Variants in MALRD1 observed in about 807,000 individuals in gnomAD.
MALRD1 encodes the protein MAM and LDL receptor class A domain containing 1.
In MALRD1, 247 loss-of-function variants were observed where a neutral mutation model predicts 242.1. The ratio of observed to expected loss-of-function variants is 1.02; its 90% CI spans 0.92 to 1.13. MALRD1 has a LOEUF of 1.13. Among genes scored for constraint, MALRD1 ranks in the 50% most tolerant of loss-of-function variants. The pLI is 0.00. For synonymous variants in MALRD1, 995 were observed against 866.6 expected (o/e 1.15, Z -2.60); for missense variants, 2,989 against 2,533.1 (o/e 1.18, Z -3.86).
chr10:19,721,777 C>G (rs1834767471), intron 38 of MALRD1: 1 of 152,204 alleles, frequency 6.6e-6, no homozygotes, highest in Admixed American at 6.5e-5. Context: ...AAGGCCATGC[C>G]TAATCTACTG....
intron 36 of MALRD1, among the ~76,000 whole-genome samples, chr10:19,620,384 G>A (rs1379361269): frequency 6.6e-6 from 1 of 151,950 alleles, no homozygotes; most frequent in Non-Finnish European, 1.5e-5. Flanking sequence ...TATATTTGAT[G>A]TTTAGCTCCC....
chr10:19,434,717 T>G (rs1453748792), intron 28 of MALRD1, among the ~76,000 whole-genome samples: 1 of 152,022 alleles, frequency 6.6e-6, no homozygotes, highest in Non-Finnish European at 1.5e-5. Context: ...CTTGAAATAT[T>G]TTTATGTTCT....
intron 18 of MALRD1, among the ~76,000 whole-genome samples, chr10:19,223,503 C>T (rs1837650252): frequency 6.6e-6 from 1 of 151,892 alleles, no homozygotes; most frequent in Non-Finnish European, 1.5e-5. Context: ...TCTATTTTTA[C>T]CATTTTCAAT....
chr10:19,389,342 G>T (rs891757020), intron 27 of MALRD1, 110 bp from the exon 28 acceptor site: 1 of 1,169,828 alleles, frequency 8.5e-7, no homozygotes, highest in Non-Finnish European at 1.2e-6. Flanking sequence ...AATACTTTTG[G>T]CAGCTCAGAT....
intron 29 of MALRD1, among the ~76,000 whole-genome samples, chr10:19,480,841 G>A (rs1020392452): frequency 8.6e-5 from 13 of 151,894 alleles, no homozygotes; most frequent in Middle Eastern, 3.4e-3. Context: ...TTTTTTTGGC[G>A]GTTGGGGGGG....
At chr10:19,417,289 T>G (rs1274664077) in intron 28 of MALRD1, among the ~76,000 whole-genome samples, 2 of 152,200 alleles carry the variant, frequency 1.3e-5, no homozygotes, top group Admixed American at 6.5e-5. Flanking sequence ...TCAATTGGAT[T>G]TACAATAAAT....
At chr10:19,555,079 G>A (rs1855155) in intron 32 of MALRD1, among the ~76,000 whole-genome samples, 103,495 of 151,842 alleles carry the variant, frequency 0.68, 39,636 homozygotes, top group Non-Finnish European at 0.84. Flanking sequence ...TTTAATAATC[G>A]CCATTCTGAC....
chr10:19,381,475 T>A (rs1402199598), intron 26 of MALRD1, among the ~76,000 whole-genome samples: 1 of 151,900 alleles, frequency 6.6e-6, no homozygotes, highest in African/African-American at 2.4e-5. Flanking sequence ...TCTAAATAGC[T>A]CTCCTTTCAG....
intron 18 of MALRD1, among the ~76,000 whole-genome samples, chr10:19,227,011 A>G (rs1405916859): frequency 1.3e-5 from 2 of 152,098 alleles, no homozygotes; most frequent in Non-Finnish European, 2.9e-5. Context: ...GAAATTGAAT[A>G]GGTAGAAATA....
chr10:19,292,411 G>T (rs892727207), intron 21 of MALRD1, among the ~76,000 whole-genome samples: 7 of 152,058 alleles, frequency 4.6e-5, no homozygotes, highest in Non-Finnish European at 1.0e-4. Context: ...GCTTACAGGT[G>T]GTTGAGAAGC....
intron 26 of MALRD1, among the ~76,000 whole-genome samples, chr10:19,384,440 T>A (rs1252213161): frequency 8.1e-4 from 95 of 117,450 alleles, no homozygotes; most frequent in African/African-American, 3.1e-3. Context: ...ATATTATATA[T>A]TATATAGTAT....
At chr10:19,148,193 G>A (rs1374544583) in intron 11 of MALRD1, among the ~76,000 whole-genome samples, 1 of 152,056 alleles carries the variant, frequency 6.6e-6, no homozygotes, top group Non-Finnish European at 1.5e-5. Flanking sequence ...GATGATGAAG[G>A]CCTAAGCCAA....
rs60445620 is a variant in MALRD1 at position 19,176,578 on chromosome 10, G to T, written c.1951+1250G>T. ...TTTAGTAGAGACGGGGTTTCACCTT[G>T]TTAGCCAGGATGGTCTCGATCTCCT... On this transcript the variant is annotated intron_variant, in intron 14 of 39. Transcript: ENST00000454679. Among the ~76,000 whole-genome samples, 1,412 of 150,422 alleles carry T rather than the reference G, an allele frequency of 9.4e-3. 21 individuals are homozygous for T. Among genetic ancestry groups the T allele is most frequent in the African/African-American group, 0.033 (1,334 of 40,942 alleles).
intron 32 of MALRD1, among the ~76,000 whole-genome samples, chr10:19,544,041 T>G (rs1449703987): frequency 1.3e-5 from 2 of 152,192 alleles, no homozygotes; most frequent in Non-Finnish European, 2.9e-5. Context: ...TCACACAATC[T>G]GAGCTTCTAG....
At chr10:19,558,368 T>C (rs1835818012) in intron 32 of MALRD1, among the ~76,000 whole-genome samples, 1 of 152,212 alleles carries the variant, frequency 6.6e-6, no homozygotes, top group African/African-American at 2.4e-5. Flanking sequence ...TGATATTAGC[T>C]ATAGGTTCTT....
rs1017112222 is a variant in MALRD1 at position 19,087,122 on chromosome 10, T to A, written c.341-718T>A. Among the ~76,000 whole-genome samples, 3 of 152,064 alleles carry A rather than the reference T, an allele frequency of 2.0e-5. No homozygotes were observed. In the South Asian group the frequency reaches 6.2e-4, roughly 31 times the overall value. ...GTTGTTAGAAGTGATTTCTTTGAAA[T>A]GCATAAGGTTAGAAAGGGAGCTGGA... On this transcript the variant is annotated intron_variant, in intron 2 of 39. Transcript: ENST00000454679.
At chr10:19,100,730 GGAGA>G (rs1217476691) in intron 4 of MALRD1, among the ~76,000 whole-genome samples, 1 of 152,106 alleles carries the variant, frequency 6.6e-6, no homozygotes, top group Non-Finnish European at 1.5e-5. Context: ...GGAGAGTTCA[GGAGA>G]GAGATGAACA....
At chr10:19,078,267 G>T (rs147813460) in intron 2 of MALRD1, among the ~76,000 whole-genome samples, 184 of 151,930 alleles carry the variant, frequency 1.2e-3, no homozygotes, top group African/African-American at 4.2e-3. Context: ...TTTATTATAA[G>T]AGAGTGTTAA....
intron 7 of MALRD1, among the ~76,000 whole-genome samples, chr10:19,125,338 TTTC>T (rs1837238225): frequency 2.4e-5 from 2 of 83,778 alleles, no homozygotes; most frequent in Non-Finnish European, 4.7e-5. Flanking sequence ...TCTTTCTTTC[TTTC>T]TTTCTTTCTT....
Sources: allele counts gnomAD v4.1 joint callset (sites outside exome capture counted in the v4.1 genomes callset), GRCh38; gene constraint gnomAD v4.1.1; transcripts MANE v1.5; gene names NCBI Gene and HGNC (gene_info 2026-07-23, HGNC 2026-07-21).